The following DNAJB13 variants were observed in gnomAD, a reference collection of about 807,000 sequenced individuals.
DNAJB13 encodes the protein DnaJ heat shock protein family (Hsp40) member B13.
Under a neutral mutation model 35.6 loss-of-function variants are expected in DNAJB13, and 22 were observed. That is an observed-to-expected ratio of 0.62 (90% confidence interval 0.44 to 0.88). The LOEUF is 0.88. Ranked by LOEUF, DNAJB13 falls within the 40% of genes least tolerant of loss-of-function variation. The probability of loss-of-function intolerance (pLI) is 0.00; values close to 1 mark genes in which losing one functional copy is unlikely to be tolerated. For missense variants in DNAJB13, 370 were observed against 384.3 expected, an observed-to-expected ratio of 0.96 and a Z score of 0.31; for synonymous variants, 136 against 144.2, an observed-to-expected ratio of 0.94 and a Z score of 0.41.
chr11:73,959,162 A>G (rs548647470), intron 2 of DNAJB13, among the ~76,000 whole-genome samples: 1 of 152,306 alleles, frequency 6.6e-6, no homozygotes, highest in East Asian at 1.9e-4. Flanking sequence ...CAGATAAGAC[A>G]GTGGCTATGA....
intron 4 of DNAJB13, chr11:73,965,240 C>A: frequency 1.9e-6 from 1 of 513,200 alleles, no homozygotes; most frequent in Non-Finnish European, 3.3e-6. Flanking sequence ...TTTCCTAGTG[C>A]AGGAGTGCCC....
chr11:73,968,511 C>G (rs1951188618), intron 6 of DNAJB13, 53 bp downstream of exon 6: 1 of 1,494,224 alleles, frequency 6.7e-7, no homozygotes, highest in African/African-American at 1.4e-5. Context: ...TGAGCCCTGC[C>G]TGCCCCGGCC....
intron 5 of DNAJB13, 156 bp from the exon 6 acceptor site, chr11:73,968,189 C>T: frequency 6.0e-6 from 4 of 662,062 alleles, no homozygotes; most frequent in East Asian, 5.5e-5. Flanking sequence ...TCTAATCCAT[C>T]TGGGCTATGG....
intron 3 of DNAJB13, among the ~76,000 whole-genome samples, chr11:73,962,840 G>A (rs762583685): frequency 4.6e-5 from 7 of 152,106 alleles, no homozygotes; most frequent in Non-Finnish European, 1.0e-4. Flanking sequence ...TAAGCTCCAC[G>A]TGAGACTGAA....
rs1951067316 is a variant in DNAJB13, at chr11:73,964,990, G to T, written c.447G>T (p.Glu149Asp). 1.9e-6 allele frequency: 3 copies of T among 1,605,428 alleles called. No homozygotes were observed. Among genetic ancestry groups the T allele is most frequent in the African/African-American group, 2.7e-5 (2 of 73,976 alleles). ...AACGGGATCTCTACCTGTCCCTGGA[G>T]GACTTATTCTTTGGCTGCACCAAAA... ...QVERDLYLSLEDLFFGCTKKI... is the reference protein window; with the variant it reads ...QVERDLYLSLDDLFFGCTKKI... Residue 149 changes from glutamate to aspartate, a missense_variant, in exon 4 of 8, where the codon GAG becomes GAT. Physicochemically the swap from Glu to Asp is conservative, Grantham distance 45. Coordinates refer to ENST00000339764, the MANE Select transcript of DNAJB13 (RefSeq NM_153614.4).
In DNAJB13 at chr11:73,964,721, C is replaced by T. The variant is rs552640646; in HGVS notation, c.335-157C>T. The T allele has an allele frequency of 3.0e-5, 24 of 803,134 alleles. No homozygotes were observed. The South Asian group carries it at 3.3e-4, about 11-fold the overall frequency. The allele number at this position is 803,134 out of a possible 1,614,324, so 49.8% of individuals were successfully genotyped here. A position where few individuals can be genotyped will look rare whatever the true frequency, so the allele number is the denominator to read the frequency against. ...GGTGGTTATAGGATGCTGGGTGTTA[C>T]ACAGGACACTGAAGAGGTTGGGGAG... On this transcript the variant is annotated intron_variant, in intron 3 of 7. Transcript: ENST00000339764.
chr11:73,969,954 A>G lies in DNAJB13; in HGVS notation c.798-7A>G, dbSNP rs770120819. On this transcript the variant is annotated splice_region_variant and splice_polypyrimidine_tract_variant and intron_variant, in intron 7 of 7. Coordinates refer to ENST00000339764, the MANE Select transcript of DNAJB13 (RefSeq NM_153614.4). ...CCTCTATGCTCCTTTCTTTCATCCT[A>G]TTTCAGCCCCAAATACTTCAAGAAG... 3.1e-6 allele frequency: 5 copies of G among 1,604,496 alleles called. No homozygotes were observed. The South Asian group carries it at 4.5e-5, about 14-fold the overall frequency.
chr11:73,964,698 T>G (rs1591196734), intron 3 of DNAJB13, 180 bp from the exon 4 acceptor site: 1 of 628,760 alleles, frequency 1.6e-6, no homozygotes, highest in Non-Finnish European at 2.7e-6. Context: ...GTCTGAGAGG[T>G]GGTTATAGGA....
At chr11:73,958,498 G>C (rs1263473298) in intron 2 of DNAJB13, 78 bp downstream of exon 2, 6 of 1,332,188 alleles carry the variant, frequency 4.5e-6, no homozygotes, top group East Asian at 2.4e-5. Context: ...TTTTCTGAGG[G>C]GGCCCAATAA....
chr11:73,959,385 C>A, intron 2 of DNAJB13, 109 bp from the exon 3 acceptor site: 1 of 1,277,536 alleles, frequency 7.8e-7, no homozygotes, highest in Non-Finnish European at 1.1e-6. Context: ...ACTTTGGGAT[C>A]AGGCTGCTTC....
At chr11:73,964,175 CAGGATGGGGCTGTCTTTGCACTGGGAGGA>C (rs1478534764) in intron 3 of DNAJB13, 1 of 152,664 alleles carries the variant, frequency 6.6e-6, no homozygotes, top group African/African-American at 2.4e-5. Flanking sequence ...GGGGCAGAGC[CAGGATGGGGCTGTCTTTGCACTGGGAGGA>C]AGGATGGGGG....
At chr11:73,959,753 A>G in intron 3 of DNAJB13, 98 bp downstream of exon 3, 2 of 578,600 alleles carry the variant, frequency 3.5e-6, no homozygotes, top group Non-Finnish European at 4.3e-6. Context: ...TTACTTTATT[A>G]TTTTATTTTA....
At chr11:73,952,417 T>C (rs1208414213) in intron 1 of DNAJB13, among the ~76,000 whole-genome samples, 1 of 152,166 alleles carries the variant, frequency 6.6e-6, no homozygotes, top group African/African-American at 2.4e-5. Flanking sequence ...GCCCTGAGAA[T>C]TAAGTGCCAT....
chr11:73,958,842 C>G (rs1284806034), intron 2 of DNAJB13, among the ~76,000 whole-genome samples: 1 of 152,184 alleles, frequency 6.6e-6, no homozygotes. Context: ...GGGCCAGCAA[C>G]AGTAGGAAGA....
chr11:73,966,496 A>C (rs1951120271), intron 5 of DNAJB13, among the ~76,000 whole-genome samples: 1 of 152,062 alleles, frequency 6.6e-6, no homozygotes, highest in African/African-American at 2.4e-5. Flanking sequence ...ACAGAGTGGG[A>C]AATGGGGGCC....
At chr11:73,964,590 T>TGG (rs370526467) in intron 3 of DNAJB13, 97 of 216,786 alleles carry the variant, frequency 4.5e-4, no homozygotes, top group African/African-American at 3.9e-3. Flanking sequence ...TTGGGCGGGG[T>TGG]GGGGGGGGAA....
intron 5 of DNAJB13, chr11:73,967,838 C>T (rs1951162702): frequency 1.1e-5 from 2 of 180,378 alleles, no homozygotes; most frequent in African/African-American, 4.7e-5. Flanking sequence ...TCTGGGCAGC[C>T]TCCTCTGAGC....
chr11:73,969,093 T>G (rs77465317), intron 6 of DNAJB13, among the ~76,000 whole-genome samples, 153 bp from the exon 7 acceptor site: 1 of 152,302 alleles, frequency 6.6e-6, no homozygotes, highest in African/African-American at 2.4e-5. Flanking sequence ...TGCAGAAAAT[T>G]GCATGGGTCA....
chr11:73,954,039 T>TAATATTAATAAA (rs1565166862), intron 1 of DNAJB13, among the ~76,000 whole-genome samples: 9 of 145,272 alleles, frequency 6.2e-5, no homozygotes, highest in East Asian at 5.9e-4. Flanking sequence ...ATAATAATAA[T>TAATATTAATAAA]AATGGCTGGA....
Sources: allele counts gnomAD v4.1 joint callset (sites outside exome capture counted in the v4.1 genomes callset), GRCh38; gene constraint gnomAD v4.1.1; transcripts MANE v1.5; gene names NCBI Gene and HGNC (gene_info 2026-07-23, HGNC 2026-07-21).